SNAI3: variants seen among roughly 807,000 people sequenced by gnomAD.
The protein encoded by SNAI3 is snail family transcriptional repressor 3, also known as zinc finger protein SNAI3.
A neutral mutation model predicts 16.4 loss-of-function variants in SNAI3; 21 were observed. That is an observed-to-expected ratio of 1.28 (90% confidence interval 0.91 to 1.85). SNAI3 has a LOEUF of 1.85. SNAI3 is among the 40% of genes most tolerant of loss of function. The pLI is 0.00. For missense variants in SNAI3, 457 were observed against 372.8 expected (o/e 1.23, Z -1.86); for synonymous variants, 202 against 166.6 (o/e 1.21, Z -1.64).
In SNAI3 at chr16:88,678,246, C is replaced by T. The variant is rs972250153; in HGVS notation, c.*202G>A. On this transcript the variant is annotated 3_prime_UTR_variant, in exon 3 of 3. Transcript: ENST00000332281. ...GAGTCTCCTCTGAGTGGGCTCCGCG[C>T]GGTGGGATGCCTGGGGGAGTGTCCT... The T allele has an allele frequency of 6.4e-5, 36 of 560,444 alleles. No homozygotes were observed. Among genetic ancestry groups the T allele is most frequent in the Middle Eastern group, 4.7e-4 (1 of 2,130 alleles). 34.7% of individuals were successfully genotyped at this position (560,444 alleles called of 1,614,324 possible). A position where few individuals can be genotyped will look rare whatever the true frequency, so the allele number is the denominator to read the frequency against.
intron 2 of SNAI3, chr16:88,679,204 G>A: frequency 1.5e-6 from 1 of 677,500 alleles, no homozygotes; most frequent in Non-Finnish European, 1.8e-6. Flanking sequence ...GTGGGACACT[G>A]GGCATGCTCC....
intron 1 of SNAI3, chr16:88,685,709 C>T (rs1256245528): frequency 2.0e-5 from 3 of 152,608 alleles, no homozygotes; most frequent in Admixed American, 2.0e-4. Flanking sequence ...TTAGCCCAGC[C>T]TGCCCAGGCA....
chr16:88,682,577 C>T (rs555912180), intron 1 of SNAI3, among the ~76,000 whole-genome samples: 1 of 152,222 alleles, frequency 6.6e-6, no homozygotes, highest in Non-Finnish European at 1.5e-5. Context: ...TAAAATGGAT[C>T]TCTGGCTCTG....
chr16:88,684,730 A>G (rs1055687509), intron 1 of SNAI3, among the ~76,000 whole-genome samples: 9 of 152,134 alleles, frequency 5.9e-5, no homozygotes, highest in African/African-American at 2.2e-4. Flanking sequence ...ACCTCAAGTG[A>G]TCTGCCGTCC....
intron 2 of SNAI3, chr16:88,679,111 T>G: frequency 2.0e-6 from 2 of 984,992 alleles, no homozygotes; most frequent in South Asian, 9.4e-5. Context: ...GGGAATCGTT[T>G]GTTCATTCCT....
chr16:88,679,220 A>C (rs1177063400), intron 2 of SNAI3: 1 of 554,726 alleles, frequency 1.8e-6, no homozygotes, highest in Admixed American at 6.4e-5. Context: ...GCTCCTGGCC[A>C]GGCCAGCCTC....
At chr16:88,684,445 G>A (rs757711431) in intron 1 of SNAI3, among the ~76,000 whole-genome samples, 3 of 152,144 alleles carry the variant, frequency 2.0e-5, no homozygotes, top group Non-Finnish European at 4.4e-5. Flanking sequence ...TCTGGGTTTT[G>A]CTTGCCTTTT....
At chr16:88,683,081 A>AC (rs978629193) in intron 1 of SNAI3, among the ~76,000 whole-genome samples, 5 of 92,448 alleles carry the variant, frequency 5.4e-5, no homozygotes, top group Admixed American at 1.3e-4. Flanking sequence ...CTGGCCCCCC[A>AC]CCCTTTTTTT....
chr16:88,680,222 C>T (rs958953171), intron 2 of SNAI3, among the ~76,000 whole-genome samples: 3 of 150,354 alleles, frequency 2.0e-5, no homozygotes, highest in East Asian at 1.9e-4. Flanking sequence ...GGCTGCTGGC[C>T]GGCTCTTGGG....
At position 88,678,496 on chromosome 16, in the gene SNAI3, C is replaced by T; in HGVS notation, c.831G>A (p.Met277Ile). 2 of 782,196 alleles carry T rather than the reference C, an allele frequency of 2.6e-6. No individual in the cohort carries two copies. The highest frequency in any genetic ancestry group is 1.7e-5 in the Admixed American group (1 of 59,028). The allele number at this position is 782,196 out of a possible 1,614,324, so 48.5% of individuals were successfully genotyped here. The change falls in exon 3 of 3, where the codon ATG becomes ATA. Residue 277 changes from methionine (M) to isoleucine (I), a missense_variant. Met to Ile is a conservative substitution (Grantham distance 10). Coordinates refer to ENST00000332281, the MANE Select transcript of SNAI3 (RefSeq NM_178310.4). ...ACTCCTCATGCCGCGCCAGGAGGGA[C>T]ATGCGGGAGAAGGTCTTGGTGCAGC... ...CRRCTKTFSR[M>I]SLLARHEESG...
chr16:88,681,497 G>T lies in SNAI3; in HGVS notation c.294C>A (p.Ser98Arg). The T allele has an allele frequency of 1.3e-6, 2 of 1,552,288 alleles. No homozygotes were observed. The highest frequency in any genetic ancestry group is 1.7e-6 in the Non-Finnish European group (2 of 1,143,446). ...LEVSEVDPRA[S>R]RAAIVPLKDS... ...CTTTGAGGGGTACAATGGCGGCCCG[G>T]CTGGCCCGAGGGTCGACCTCGCTGA... The change falls in exon 2 of 3, where the codon AGC (serine) becomes AGA (arginine). Residue 98 changes from serine (S) to arginine (R), a missense_variant. Ser to Arg is a moderately radical substitution (Grantham distance 110). Transcript: ENST00000332281. This position sits in a 1 kb window ranked among gnomAD's most constrained non-coding sequence, Gnocchi z 5.4.
rs767410564 is a variant in SNAI3, at chr16:88,681,398, G to A, written c.393C>T (p.Asp131=). 6.8e-6 allele frequency: 11 copies of A among 1,612,164 alleles called. No homozygotes were observed. The highest frequency in any genetic ancestry group is 9.3e-6 in the Non-Finnish European group (11 of 1,179,030). The change falls in exon 2 of 3, where the codon GAC becomes GAT. Residue 131 remains aspartate (D), a synonymous_variant. Transcript: ENST00000332281. This position sits in a 1 kb window ranked among gnomAD's most constrained non-coding sequence, Gnocchi z 5.4. The stretch of plus-strand genomic sequence containing the variant: ...GCAGTTTTTCCGGAGCCCCGTGCCG[G>A]TCTGGGCCCAAGGTCGGGGACCACC... The part of the protein sequence containing the change: ...PTRWSPTLGP[D]RHGAPEKLLG...
chr16:88,679,789 G>C (rs1289559708), intron 2 of SNAI3, among the ~76,000 whole-genome samples: 1 of 42,880 alleles, frequency 2.3e-5, no homozygotes, highest in Non-Finnish European at 5.1e-5. Context: ...AAAAGAAAAA[G>C]TGTGAACTAG....
chr16:88,682,762 ATTTTTTTTTTTTTTTTTT>A (rs71158747), intron 1 of SNAI3, among the ~76,000 whole-genome samples: 1 of 60,654 alleles, frequency 1.6e-5, no homozygotes, highest in Non-Finnish European at 3.0e-5. Flanking sequence ...TGGGCAAGGG[ATTTTTTTTTTTTTTTTTT>A]TTTTTTTTTT....
At chr16:88,679,322 G>C (rs1010294115) in intron 2 of SNAI3, among the ~76,000 whole-genome samples, 3 of 152,296 alleles carry the variant, frequency 2.0e-5, no homozygotes, top group African/African-American at 7.2e-5. Context: ...GGGGGGTGTC[G>C]TCATCAAAGA....
chr16:88,678,673 G>A (rs1909059940), intron 2 of SNAI3, 44 bp from the exon 3 acceptor site: 5 of 1,544,280 alleles, frequency 3.2e-6, no homozygotes, highest in East Asian at 4.5e-5. Context: ...GGAAGATGGA[G>A]TGAAGGCTAA....
At chr16:88,684,603 C>A (rs990729681) in intron 1 of SNAI3, among the ~76,000 whole-genome samples, 6 of 152,184 alleles carry the variant, frequency 3.9e-5, no homozygotes, top group Non-Finnish European at 7.3e-5. Flanking sequence ...TCAAGTGATT[C>A]TCCTACCTCA....
At position 88,682,762 on chromosome 16, in the gene SNAI3, A is replaced by ATTTTTTTTTTTTTTTTTTTTTTTTT. The variant is rs71158747; in HGVS notation, c.77-1073_77-1049dup. On this transcript the variant is annotated intron_variant, in intron 1 of 2. Transcript: ENST00000332281. ...AATACAATTTTAATATGGGCAAGGG[A>ATTTTTTTTTTTTTTTTTTTTTTTTT]TTTTTTTTTTTTTTTTTTTTTTTTT... 4.1e-4 allele frequency among the ~76,000 whole-genome samples: 25 copies of ATTTTTTTTTTTTTTTTTTTTTTTTT among 60,694 alleles called. 8 individuals carry two copies. The highest frequency in any genetic ancestry group is 2.0e-3 in the East Asian group (2 of 978). The allele number at this position is 60,694 out of a possible 152,430, so 39.8% of individuals were successfully genotyped here. A position where few individuals can be genotyped will look rare whatever the true frequency, so the allele number is the denominator to read the frequency against.
At chr16:88,682,719 G>C (rs563969949) in intron 1 of SNAI3, among the ~76,000 whole-genome samples, 1 of 141,952 alleles carries the variant, frequency 7.0e-6, no homozygotes, top group African/African-American at 2.6e-5. Flanking sequence ...TTAGCAAGTC[G>C]ACAATAAAAA....
Sources: gnomAD v4.1 joint callset for allele counts (sites outside exome capture counted in the v4.1 genomes callset) on GRCh38, gnomAD v4.1.1 for gene constraint, Gnocchi (gnomAD v3.1) non-coding constraint, MANE v1.5 for transcripts, NCBI Gene and HGNC (gene_info 2026-07-23, HGNC 2026-07-21) for gene names.